The following CUX2 variants were observed in gnomAD, a reference collection of about 807,000 sequenced individuals.
The protein encoded by CUX2 is cut like homeobox 2.
CUX2 carries 40 observed loss-of-function variants against 144.8 expected under a neutral mutation model. The observed-to-expected ratio is 0.28, with a 90% CI of 0.21 to 0.36. The LOEUF is 0.36. CUX2 is among the 10% of genes least tolerant of loss of function. The probability of loss-of-function intolerance (pLI) is 1.00; values close to 1 mark genes in which losing one functional copy is unlikely to be tolerated. For synonymous variants in CUX2, 827 were observed against 875.6 expected, an observed-to-expected ratio of 0.94 and a Z score of 0.98; for missense variants, 1,615 against 1,994.0, an observed-to-expected ratio of 0.81 and a Z score of 3.62.
At chr12:111,047,291 C>T (rs553820818) in intron 1 of CUX2, among the ~76,000 whole-genome samples, 6 of 152,276 alleles carry the variant, frequency 3.9e-5, no homozygotes, top group Non-Finnish European at 5.9e-5. Context: ...GTCAATAAAT[C>T]GTGTCGTTGA....
At chr12:111,313,582 C>T (rs1887017416) in intron 16 of CUX2, among the ~76,000 whole-genome samples, 1 of 151,462 alleles carries the variant, frequency 6.6e-6, no homozygotes, top group African/African-American at 2.4e-5. Flanking sequence ...GCAGAGCTTA[C>T]AGTGAGCCGA....
At chr12:111,344,817 C>T (rs1016755963) in intron 21 of CUX2, among the ~76,000 whole-genome samples, 2 of 152,340 alleles carry the variant, frequency 1.3e-5, no homozygotes. Flanking sequence ...GAGACCATGC[C>T]AGTTCCTGTG....
intron 1 of CUX2, among the ~76,000 whole-genome samples, chr12:111,045,861 C>T (rs1869973055): frequency 6.6e-6 from 1 of 152,172 alleles, no homozygotes; most frequent in African/African-American, 2.4e-5. Context: ...ATGCAGAGCC[C>T]ATAACACACA....
intron 1 of CUX2, among the ~76,000 whole-genome samples, chr12:111,177,997 T>C (rs1470659598): frequency 1.3e-5 from 2 of 152,256 alleles, no homozygotes; most frequent in Non-Finnish European, 2.9e-5. Flanking sequence ...TTGTTCTTAT[T>C]GTTGTTTGCC....
At chr12:111,154,348 T>C (rs1256503753) in intron 1 of CUX2, among the ~76,000 whole-genome samples, 1 of 151,964 alleles carries the variant, frequency 6.6e-6, no homozygotes, top group Non-Finnish European at 1.5e-5. Flanking sequence ...CGAGTTCACA[T>C]GTTTGCGGCA....
At position 111,255,933 on chromosome 12, in the gene CUX2, C is replaced by G. The variant is rs1386948271; in HGVS notation, c.223-7828C>G. Among the ~76,000 whole-genome samples, 1 of 152,154 alleles carries G rather than the reference C, an allele frequency of 6.6e-6. No individual in the cohort carries two copies. Among genetic ancestry groups the G allele is most frequent in the East Asian group, 1.9e-4 (1 of 5,190 alleles). On this transcript the variant is annotated intron_variant, in intron 3 of 21. Coordinates refer to ENST00000261726, the MANE Select transcript of CUX2 (RefSeq NM_015267.4). This position sits in a 1 kb window ranked among gnomAD's most constrained non-coding sequence, Gnocchi z 4.1. ...CCCTCAGGATAGTCTAGCCAGACCT[C>G]CCCACATGTGGGTCTCCCTGAGTAC...
At position 111,246,351 on chromosome 12, in the gene CUX2, C is replaced by T. The variant is rs971865261; in HGVS notation, c.223-17410C>T. Reference sequence around the variant, plus strand: ...AGTCAGCCACTTGTTAAACCTTTACCAGCACAGGCACCTTCCTCACAGGGC... The same window carrying T: ...AGTCAGCCACTTGTTAAACCTTTACTAGCACAGGCACCTTCCTCACAGGGC... On this transcript the variant is annotated intron_variant, in intron 3 of 21. Coordinates refer to ENST00000261726, the MANE Select transcript of CUX2 (RefSeq NM_015267.4). This position sits in a 1 kb window ranked among gnomAD's most constrained non-coding sequence, Gnocchi z 4.0. Among the ~76,000 whole-genome samples, 5 of 152,110 alleles carry T rather than the reference C, an allele frequency of 3.3e-5. No individual in the cohort carries two copies. The highest frequency in any genetic ancestry group is 1.2e-4 in the African/African-American group (5 of 41,414).
chr12:111,262,432 G>A (rs2136289842), intron 3 of CUX2, among the ~76,000 whole-genome samples: 1 of 148,206 alleles, frequency 6.7e-6, no homozygotes, highest in Admixed American at 6.8e-5. Flanking sequence ...AGGCTGAAGT[G>A]CAGTGGTGCA....
Position 111,291,418 on chromosome 12 carries a change from A to C in CUX2, c.302A>C (p.Asp101Ala). 6.2e-7 allele frequency: 1 copy of C among 1,607,028 alleles called. No individual in the cohort carries two copies. The highest frequency in any genetic ancestry group is 8.5e-7 in the Non-Finnish European group (1 of 1,176,846). The part of the protein sequence containing the change: ...SVYKQLIEAP[D>A]PVPVFEAARS... ...TCCCTGTCTTTCTCTCCCTGCACAG[A>C]CCCCGTGCCTGTGTTTGAGGCGGCA... The change falls in exon 5 of 22, where the codon GAC becomes GCC. Residue 101 changes from aspartate to alanine, a missense_variant and splice_region_variant. Around this residue, in one of 12 missense-constraint regions of CUX2, gnomAD observed 295 missense variants for 400.2 expected, o/e 0.74. Coordinates refer to ENST00000261726, the MANE Select transcript of CUX2 (RefSeq NM_015267.4).
chr12:111,285,558 G>C (rs898870009), intron 4 of CUX2, among the ~76,000 whole-genome samples: 1 of 152,174 alleles, frequency 6.6e-6, no homozygotes, highest in Admixed American at 6.5e-5. Context: ...AAATTCCTCA[G>C]GGGACTCTGA....
intron 1 of CUX2, among the ~76,000 whole-genome samples, chr12:111,064,200 A>T (rs1236496181): frequency 6.6e-6 from 1 of 152,164 alleles, no homozygotes; most frequent in Non-Finnish European, 1.5e-5. Context: ...AGAATCAGAG[A>T]GCTGGTTACC....
At chr12:111,100,744 G>T (rs1385973267) in intron 1 of CUX2, among the ~76,000 whole-genome samples, 2 of 152,210 alleles carry the variant, frequency 1.3e-5, no homozygotes, top group Non-Finnish European at 2.9e-5. Context: ...AGCACACGTT[G>T]CACAGGAGGG....
chr12:111,144,100 G>A (rs985949737), intron 1 of CUX2, among the ~76,000 whole-genome samples: 24 of 152,170 alleles, frequency 1.6e-4, no homozygotes, highest in Non-Finnish European at 3.4e-4. Flanking sequence ...CTGTACTGCT[G>A]TATGATCCCC....
At chr12:111,311,861 G>T (rs1886923955) in intron 15 of CUX2, among the ~76,000 whole-genome samples, 3 of 152,152 alleles carry the variant, frequency 2.0e-5, no homozygotes, top group Admixed American at 2.0e-4. Context: ...GACTCCCAGA[G>T]TGCTGGGATT....
rs1471545989 is a variant in CUX2 at position 111,071,250 on chromosome 12, G to A, written c.63+37010G>A. ...TTGCCTTCCCACCAGCAATGAATGC[G>A]TGTTCCTGTTGCTCCACATCTTTGC... On this transcript the variant is annotated intron_variant, in intron 1 of 21. Transcript: ENST00000261726. 2.6e-5 allele frequency among the ~76,000 whole-genome samples: 4 copies of A among 152,120 alleles called. No individual in the cohort carries two copies. In the South Asian group the frequency reaches 6.2e-4, roughly 24 times the overall value.
intron 1 of CUX2, among the ~76,000 whole-genome samples, chr12:111,166,662 G>A (rs1040697390): frequency 3.3e-5 from 5 of 152,218 alleles, no homozygotes; most frequent in Admixed American, 6.5e-5. Flanking sequence ...TTTGACTGTA[G>A]AGTCTGTGCT....
intron 1 of CUX2, among the ~76,000 whole-genome samples, chr12:111,213,420 G>A (rs770067515): frequency 3.9e-5 from 6 of 152,136 alleles, no homozygotes; most frequent in Admixed American, 1.3e-4. Flanking sequence ...TGTGTGAGCC[G>A]AAGCATCCCC....
intron 1 of CUX2, among the ~76,000 whole-genome samples, chr12:111,105,727 CTG>C (rs976162789): frequency 2.6e-5 from 4 of 152,218 alleles, no homozygotes; most frequent in African/African-American, 7.2e-5. Context: ...CTTCACCTCT[CTG>C]TGACTCAGTT....
intron 1 of CUX2, among the ~76,000 whole-genome samples, chr12:111,063,461 C>G (rs1220799888): frequency 1.3e-5 from 2 of 152,168 alleles, no homozygotes; most frequent in East Asian, 3.9e-4. Flanking sequence ...AGCTCCAGGT[C>G]CCAACCAGCA....
Sources: gnomAD v4.1 joint callset for allele counts (sites outside exome capture counted in the v4.1 genomes callset) on GRCh38, gnomAD v4.1.1 for gene constraint, gnomAD v4.1.1 regional missense constraint, Gnocchi (gnomAD v3.1) non-coding constraint, MANE v1.5 for transcripts, NCBI Gene and HGNC (gene_info 2026-07-23, HGNC 2026-07-21) for gene names.